The following CACNA1B variants were observed in gnomAD, a reference collection of about 807,000 sequenced individuals.
The protein encoded by CACNA1B is calcium voltage-gated channel subunit alpha1 B, also known as voltage-dependent N-type calcium channel subunit alpha-1B.
CACNA1B carries 70 observed loss-of-function variants against 247.2 expected under a neutral mutation model. That is an observed-to-expected ratio of 0.28 (90% confidence interval 0.23 to 0.35). CACNA1B has a LOEUF of 0.35. Among genes scored for constraint, CACNA1B ranks in the 10% least tolerant of loss-of-function variants. CACNA1B has a pLI of 1.00. For synonymous variants in CACNA1B, 1,231 were observed against 1,294.4 expected, an observed-to-expected ratio of 0.95 and a Z score of 1.05; for missense variants, 2,367 against 3,197.4, an observed-to-expected ratio of 0.74 and a Z score of 6.26.
At position 137,984,139 on chromosome 9, in the gene CACNA1B, T is replaced by C. The variant is rs1958326305; in HGVS notation, c.1658T>C (p.Val553Ala). Residue 553 changes from valine to alanine, a missense_variant and splice_region_variant, in exon 13 of 47, where the codon GTC becomes GCC. This residue lies in a region of CACNA1B where 219 missense variants were observed against 297.6 expected (regional missense o/e 0.74). Coordinates refer to ENST00000371372, the MANE Select transcript of CACNA1B (RefSeq NM_000718.4). ...RSSFNCFDFGVIVGSVFEVVW... is the reference protein window; with the variant it reads ...RSSFNCFDFGAIVGSVFEVVW... ...AAGGCTAATGCCATCCCGTTGCAGG[T>C]CATCGTGGGGAGCGTCTTTGAAGTG... The C allele has an allele frequency of 6.3e-7, 1 of 1,591,086 alleles. No individual in the cohort carries two copies. Among genetic ancestry groups the C allele is most frequent in the African/African-American group, 1.3e-5 (1 of 74,510 alleles).
intron 39 of CACNA1B, among the ~76,000 whole-genome samples, chr9:138,110,539 C>T (rs1162956489): frequency 1.3e-5 from 2 of 152,136 alleles, no homozygotes; most frequent in Non-Finnish European, 2.9e-5. Flanking sequence ...CCAGCCTGGA[C>T]AACAAAGTGA....
rs567765438 is a variant in CACNA1B, at chr9:138,111,751, C to G, written c.5429-647C>G. Among the ~76,000 whole-genome samples, 8 of 152,200 alleles carry G rather than the reference C, an allele frequency of 5.3e-5. No individual in the cohort carries two copies. The South Asian group carries it at 1.0e-3, about 20-fold the overall frequency. ...CCTGCCCACCCCTCCATCCACCCTG[C>G]CCCGAGGCCTCCCTGGCCCTTCGGG... On this transcript the variant is annotated intron_variant, in intron 39 of 46. Transcript: ENST00000371372.
chr9:138,120,101 C>A, intron 44 of CACNA1B, 64 bp from the exon 45 acceptor site: 1 of 1,383,558 alleles, frequency 7.2e-7, no homozygotes, highest in Non-Finnish European at 9.9e-7. Flanking sequence ...CACCCACTTC[C>A]ATGCCTGCAT....
At position 138,102,890 on chromosome 9, in the gene CACNA1B, C is replaced by T. The variant is rs1413316676; in HGVS notation, c.5319+83C>T. 10 of 815,170 alleles carry T rather than the reference C, an allele frequency of 1.2e-5. No homozygotes were observed. The highest frequency in any genetic ancestry group is 1.9e-5 in the Non-Finnish European group (10 of 513,414). The allele number at this position is 815,170 out of a possible 1,614,324, so 50.5% of individuals were successfully genotyped here. A position where few individuals can be genotyped will look rare whatever the true frequency, so the allele number is the denominator to read the frequency against. On this transcript the variant is annotated intron_variant, in intron 38 of 46. Coordinates refer to ENST00000371372, the MANE Select transcript of CACNA1B (RefSeq NM_000718.4). The surrounding 1 kb of genome is among the most constrained non-coding windows in gnomAD (Gnocchi z 5.4). ...GCTTGCTGGCTCTCCCAGCTCCTCTCCCTTTCAGGGTGCCCGGCTGTCTGT... is the reference window on the plus strand; with the variant it reads ...GCTTGCTGGCTCTCCCAGCTCCTCTTCCTTTCAGGGTGCCCGGCTGTCTGT...
At position 138,075,921 on chromosome 9, in the gene CACNA1B, C is replaced by T. The variant is rs374663017; in HGVS notation, c.4949+11C>T. 21 of 1,583,526 alleles carry T rather than the reference C, an allele frequency of 1.3e-5. No homozygotes were observed. Among genetic ancestry groups the T allele is most frequent in the Admixed American group, 1.0e-4 (6 of 58,970 alleles). ...GATGCTGCTGTTCAGGTGTGTTGTT[C>T]GGTCAGCCCAGGCCAATGTCTGCTC... On this transcript the variant is annotated intron_variant, in intron 35 of 46. Transcript: ENST00000371372.
At chr9:137,978,631 C>A (rs1365435566) in intron 12 of CACNA1B, among the ~76,000 whole-genome samples, 1 of 152,226 alleles carries the variant, frequency 6.6e-6, no homozygotes, top group Admixed American at 6.5e-5. Flanking sequence ...GGTAGTAAAG[C>A]TTCAGTTAGA....
At chr9:137,903,748 CCTT>C (rs1282447142) in intron 3 of CACNA1B, among the ~76,000 whole-genome samples, 8 of 152,084 alleles carry the variant, frequency 5.3e-5, no homozygotes, top group Non-Finnish European at 1.2e-4. Context: ...ATTCAGCTCT[CCTT>C]TTTTTTTTGT....
At chr9:137,988,523 G>A (rs1384022963) in intron 15 of CACNA1B, among the ~76,000 whole-genome samples, 1 of 152,120 alleles carries the variant, frequency 6.6e-6, no homozygotes, top group African/African-American at 2.4e-5. Context: ...ATCAGATGAT[G>A]CTCTGATTCA....
chr9:137,916,800 G>A lies in CACNA1B; in HGVS notation c.776-441G>A, dbSNP rs533250663. Among the ~76,000 whole-genome samples, 3 of 152,294 alleles carry A rather than the reference G, an allele frequency of 2.0e-5. No homozygotes were observed. The South Asian group carries it at 6.2e-4, about 32-fold the overall frequency. ...GTCCTCGTGGCAGTTTGGCCGTGAG[G>A]GAGAGGTACAGTCAGCGTGGTGGTT... On this transcript the variant is annotated intron_variant, in intron 5 of 46. Transcript: ENST00000371372.
rs767698102 is a variant in CACNA1B at position 137,975,972 on chromosome 9, G to C, written c.1609G>C (p.Gly537Arg). ...TEMSLKMYGL[G>R]PRSYFRSSFN... ...GATGTCCCTGAAGATGTATGGCCTG[G>C]GGCCCAGAAGCTACTTCCGGTCCTC... is the stretch of plus-strand genomic sequence containing the variant. Residue 537 changes from glycine to arginine, a missense_variant, in exon 12 of 47, where the codon GGG becomes CGG. Around this residue, in one of 12 missense-constraint regions of CACNA1B, gnomAD observed 219 missense variants for 297.6 expected, o/e 0.74. Transcript: ENST00000371372. 1 of 1,613,696 alleles carries C rather than the reference G, an allele frequency of 6.2e-7. No homozygotes were observed. The highest frequency in any genetic ancestry group is 8.5e-7 in the Non-Finnish European group (1 of 1,179,586).
At position 137,899,564 on chromosome 9, in the gene CACNA1B, C is replaced by T. The variant is rs1363738417; in HGVS notation, c.531-13616C>T. On this transcript the variant is annotated intron_variant, in intron 3 of 46. Transcript: ENST00000371372. The surrounding 1 kb of genome is among the most constrained non-coding windows in gnomAD (Gnocchi z 5.0). Reference sequence around the variant, plus strand: ...CCTTGCTTTGGAGCAGGCTAGGTGGCTCCCACTTCTTGGCCTGTTAGAGCA... The same window carrying T: ...CCTTGCTTTGGAGCAGGCTAGGTGGTTCCCACTTCTTGGCCTGTTAGAGCA... Among the ~76,000 whole-genome samples, 1 of 152,222 alleles carries T rather than the reference C, an allele frequency of 6.6e-6. No homozygotes were observed. Among genetic ancestry groups the T allele is most frequent in the African/African-American group, 2.4e-5 (1 of 41,466 alleles).
At chr9:138,108,465 A>C (rs916305415) in intron 39 of CACNA1B, among the ~76,000 whole-genome samples, 1 of 152,164 alleles carries the variant, frequency 6.6e-6, no homozygotes, top group East Asian at 1.9e-4. Context: ...AATAATGCCA[A>C]TTCTGTATAG....
rs369169345 is a variant in CACNA1B, at chr9:137,882,955, G to A, written c.530+72G>A. ...GTGCTCTCTGAAGCTCAGTTGCGCC[G>A]TGGAGCTGGGGCAGCTGCAGTCCCC... On this transcript the variant is annotated intron_variant, in intron 3 of 46. Coordinates refer to ENST00000371372, the MANE Select transcript of CACNA1B (RefSeq NM_000718.4). This position sits in a 1 kb window ranked among gnomAD's most constrained non-coding sequence, Gnocchi z 4.0. The A allele has an allele frequency of 6.6e-5, 99 of 1,500,136 alleles. 1 individual carries two copies. The East Asian group carries it at 9.7e-4, about 15-fold the overall frequency. The allele number at this position is 1,500,136 out of a possible 1,614,324, so 92.9% of individuals were successfully genotyped here.
intron 37 of CACNA1B, chr9:138,101,041 C>T (rs952031640): frequency 1.1e-5 from 5 of 459,938 alleles, no homozygotes; most frequent in African/African-American, 8.2e-5. Flanking sequence ...ACAGGCTGGG[C>T]GGGCGGGAGG....
intron 26 of CACNA1B, among the ~76,000 whole-genome samples, chr9:138,055,754 C>T (rs553008401): frequency 2.6e-5 from 4 of 152,248 alleles, no homozygotes; most frequent in East Asian, 1.9e-4. Flanking sequence ...AGGCCAGGCG[C>T]GGTGGCTCAC....
At chr9:138,002,262 A>G (rs1287684580) in intron 15 of CACNA1B, among the ~76,000 whole-genome samples, 2 of 152,226 alleles carry the variant, frequency 1.3e-5, no homozygotes, top group Non-Finnish European at 1.5e-5. Context: ...AAATCAATGG[A>G]GGAAGGATGG....
intron 3 of CACNA1B, among the ~76,000 whole-genome samples, chr9:137,907,542 T>C (rs1341909468): frequency 6.6e-6 from 1 of 152,242 alleles, no homozygotes; most frequent in African/African-American, 2.4e-5. Context: ...CTTCGTTATT[T>C]TAATCTGGAT....
At chr9:137,949,136 G>GGTGCATGT (rs1957840628) in intron 6 of CACNA1B, among the ~76,000 whole-genome samples, 1 of 147,636 alleles carries the variant, frequency 6.8e-6, no homozygotes. Flanking sequence ...GTGTGTGTGT[G>GGTGCATGT]GTGTATCTGT....
chr9:137,890,249 T>C (rs1957078832), intron 3 of CACNA1B: 1 of 149,160 alleles, frequency 6.7e-6, no homozygotes, highest in African/African-American at 2.4e-5. Context: ...CAAGGGAGGG[T>C]TGGCCTCTCT....
Sources: gnomAD v4.1 joint callset for allele counts (sites outside exome capture counted in the v4.1 genomes callset) on GRCh38, gnomAD v4.1.1 for gene constraint, gnomAD v4.1.1 regional missense constraint, Gnocchi (gnomAD v3.1) non-coding constraint, MANE v1.5 for transcripts, NCBI Gene and HGNC (gene_info 2026-07-23, HGNC 2026-07-21) for gene names.